The following EYS variants were observed in gnomAD, a reference collection of about 807,000 sequenced individuals.
EYS encodes protein eyes shut homolog.
In EYS, 250 loss-of-function variants were observed where a neutral mutation model predicts 282.1. The ratio of observed to expected loss-of-function variants is 0.89; its 90% CI spans 0.80 to 0.98. The LOEUF is 0.98. Among genes scored for constraint, EYS ranks in the 50% least tolerant of loss-of-function variants. The pLI, the probability that EYS is intolerant of heterozygous loss-of-function variation, is 0.00. For synonymous variants in EYS, 1,355 were observed against 1,282.9 expected (o/e 1.06, Z -1.20); for missense variants, 4,016 against 3,709.0 (o/e 1.08, Z -2.15).
At chr6:65,202,746 T>A (rs1018085946) in intron 12 of EYS, among the ~76,000 whole-genome samples, 4 of 152,140 alleles carry the variant, frequency 2.6e-5, no homozygotes, top group Admixed American at 6.5e-5. Flanking sequence ...AGCTTTGTGA[T>A]CTGGGCACAA....
At chr6:64,421,338 C>T (rs1774226172) in intron 28 of EYS, among the ~76,000 whole-genome samples, 1 of 152,054 alleles carries the variant, frequency 6.6e-6, no homozygotes, top group African/African-American at 2.4e-5. Context: ...TCAATCACCT[C>T]CTACTGGCTC....
At chr6:64,253,411 G>T (rs1487451643) in intron 30 of EYS, among the ~76,000 whole-genome samples, 1 of 152,148 alleles carries the variant, frequency 6.6e-6, no homozygotes, top group Non-Finnish European at 1.5e-5. Context: ...TCTTCTCATT[G>T]TAAGTGATAA....
chr6:64,880,301 TATG>T (rs1447710732), intron 19 of EYS, among the ~76,000 whole-genome samples: 1 of 151,952 alleles, frequency 6.6e-6, no homozygotes, highest in East Asian at 1.9e-4. Context: ...CTATTTAATT[TATG>T]ATATGATGGT....
chr6:64,912,871 T>C, intron 15 of EYS, 128 bp from the exon 16 acceptor site: 1 of 488,230 alleles, frequency 2.0e-6, no homozygotes, highest in Non-Finnish European at 3.4e-6. Flanking sequence ...TAATAAATAA[T>C]ACATAGTTTT....
intron 13 of EYS, among the ~76,000 whole-genome samples, chr6:65,048,283 A>G (rs1057080403): frequency 6.6e-6 from 1 of 151,916 alleles, no homozygotes; most frequent in Non-Finnish European, 1.5e-5. Flanking sequence ...TCCCAAATAT[A>G]TCATCATCAA....
chr6:64,191,413 T>C (rs1765100406), intron 31 of EYS, among the ~76,000 whole-genome samples: 1 of 152,232 alleles, frequency 6.6e-6, no homozygotes, highest in South Asian at 2.1e-4. Context: ...ACATGCGACA[T>C]GCTGGTGCGC....
intron 36 of EYS, among the ~76,000 whole-genome samples, chr6:63,862,752 A>G (rs146566718): frequency 9.1e-4 from 138 of 152,336 alleles, no homozygotes; most frequent in African/African-American, 3.2e-3. Flanking sequence ...ATGGGAAAGG[A>G]CACAACTTCA....
intron 19 of EYS, among the ~76,000 whole-genome samples, chr6:64,842,482 G>A (rs371054948): frequency 6.6e-6 from 1 of 151,996 alleles, no homozygotes; most frequent in Non-Finnish European, 1.5e-5. Flanking sequence ...TGACTTTCAG[G>A]CAGAGGTTGG....
intron 11 of EYS, among the ~76,000 whole-genome samples, chr6:65,326,810 G>A (rs1219722840): frequency 1.3e-5 from 2 of 151,104 alleles, no homozygotes; most frequent in African/African-American, 2.4e-5. Context: ...GGTTACTATT[G>A]TAAATAAAAT....
At chr6:64,244,630 G>A (rs1003612611) in intron 30 of EYS, among the ~76,000 whole-genome samples, 3 of 152,020 alleles carry the variant, frequency 2.0e-5, no homozygotes, top group Non-Finnish European at 2.9e-5. Context: ...ATATGAAATT[G>A]AATTTTCTCA....
intron 13 of EYS, among the ~76,000 whole-genome samples, chr6:65,010,982 G>A (rs1160058172): frequency 1.3e-5 from 2 of 152,164 alleles, no homozygotes; most frequent in East Asian, 3.9e-4. Flanking sequence ...AGCCAAAAGA[G>A]CCACAAGGCA....
chr6:63,758,786 C>T (rs1169439244), intron 41 of EYS, among the ~76,000 whole-genome samples: 3 of 152,014 alleles, frequency 2.0e-5, no homozygotes, highest in Non-Finnish European at 4.4e-5. Flanking sequence ...TTTTGACTTG[C>T]TTGTCACCAG....
At chr6:64,102,460 C>G (rs191157544) in intron 31 of EYS, among the ~76,000 whole-genome samples, 2 of 151,950 alleles carry the variant, frequency 1.3e-5, no homozygotes, top group South Asian at 2.1e-4. Context: ...AAAAAGAAAC[C>G]CTTCCCATAA....
intron 14 of EYS, among the ~76,000 whole-genome samples, chr6:64,956,498 C>T (rs1429280612): frequency 6.6e-6 from 1 of 152,110 alleles, no homozygotes; most frequent in Non-Finnish European, 1.5e-5. Context: ...CCACAGAAAA[C>T]TGGGGAAAAT....
At chr6:64,064,185 A>T (rs1013960312) in intron 33 of EYS, among the ~76,000 whole-genome samples, 5 of 152,068 alleles carry the variant, frequency 3.3e-5, no homozygotes, top group Non-Finnish European at 7.3e-5. Flanking sequence ...TAGTGTGTCT[A>T]CTTGTCAGTC....
intron 22 of EYS, among the ~76,000 whole-genome samples, chr6:64,712,270 C>G (rs994476894): frequency 6.6e-6 from 1 of 152,118 alleles, no homozygotes; most frequent in African/African-American, 2.4e-5. Flanking sequence ...AGAATATATA[C>G]GAGCTGTAGC....
At chr6:65,134,082 G>A (rs1374252516) in intron 12 of EYS, among the ~76,000 whole-genome samples, 1 of 152,034 alleles carries the variant, frequency 6.6e-6, no homozygotes, top group Non-Finnish European at 1.5e-5. Flanking sequence ...ACACCAGTTA[G>A]GATGGCTATT....
At chr6:64,339,404 A>G (rs1049445032) in intron 29 of EYS, among the ~76,000 whole-genome samples, 1 of 152,028 alleles carries the variant, frequency 6.6e-6, no homozygotes, top group Admixed American at 6.6e-5. Flanking sequence ...GATCAGGGTA[A>G]TGCAAATTAA....
Position 65,495,373 on chromosome 6 carries a change from A to T in EYS, c.38T>A (p.Val13Asp). Residue 13 changes from valine to aspartate, a missense_variant, in exon 4 of 43, where the codon GTT becomes GAT. Val to Asp is a radical substitution (Grantham distance 152). Coordinates refer to ENST00000503581, the MANE Select transcript of EYS (RefSeq NM_001142800.2). ...DKSIVILSLM[V>D]FHSSFINGKT... ...TCCATTTATGAAAGAGCTGTGAAAA[A>T]CCATCAGGCTCAGAATGACGATTGA... is the stretch of plus-strand genomic sequence containing the variant. 6.2e-7 allele frequency: 1 copy of T among 1,612,860 alleles called. No homozygotes were observed. Among genetic ancestry groups the T allele is most frequent in the Non-Finnish European group, 8.5e-7 (1 of 1,179,996 alleles).
Sources: allele counts gnomAD v4.1 joint callset (sites outside exome capture counted in the v4.1 genomes callset), GRCh38; gene constraint gnomAD v4.1.1; transcripts MANE v1.5; gene names NCBI Gene and HGNC (gene_info 2026-07-23, HGNC 2026-07-21).